The following NEBL variants were observed in gnomAD, a reference collection of about 807,000 sequenced individuals.
NEBL encodes the protein LIM and SH3 protein 2.
NEBL carries 122 observed loss-of-function variants against 140.2 expected under a neutral mutation model. The observed-to-expected ratio is 0.87, with a 90% CI of 0.75 to 1.01. The LOEUF is 1.01. Among genes scored for constraint, NEBL ranks in the 50% least tolerant of loss-of-function variants. NEBL has a pLI of 0.00. For missense variants in NEBL, 1,365 were observed against 1,231.3 expected (o/e 1.11, Z -1.62); for synonymous variants, 436 against 398.9 (o/e 1.09, Z -1.11).
At chr10:20,916,934 C>T (rs889508382) in intron 4 of NEBL, among the ~76,000 whole-genome samples, 1 of 151,856 alleles carries the variant, frequency 6.6e-6, no homozygotes, top group African/African-American at 2.4e-5. Context: ...TTAGTTCCAA[C>T]ATTCAAAAAA....
intron 4 of NEBL, among the ~76,000 whole-genome samples, chr10:20,959,561 G>T (rs1428365315): frequency 1.3e-5 from 2 of 152,092 alleles, no homozygotes; most frequent in Non-Finnish European, 2.9e-5. Flanking sequence ...AGTGAGGTAA[G>T]GGAAAAAGTT....
chr10:21,010,017 T>C (rs906363662), intron 3 of NEBL, among the ~76,000 whole-genome samples: 6 of 152,172 alleles, frequency 3.9e-5, no homozygotes, highest in Non-Finnish European at 7.3e-5. Flanking sequence ...TTTGGTTTTG[T>C]TGTTTAAGGC....
At chr10:21,088,843 C>T (rs1266181855) in intron 2 of NEBL, among the ~76,000 whole-genome samples, 4 of 152,174 alleles carry the variant, frequency 2.6e-5, no homozygotes, top group Non-Finnish European at 4.4e-5. Context: ...GTCAGAGAGT[C>T]CAAGCTTCAG....
intron 3 of NEBL, among the ~76,000 whole-genome samples, chr10:21,011,194 A>C (rs553539244): frequency 1.1e-3 from 163 of 152,366 alleles, no homozygotes; most frequent in African/African-American, 3.8e-3. Context: ...CCAAAGTCAC[A>C]CTTAGTGGCA....
At chr10:21,290,252 A>G (rs1843124282) in intron 1 of NEBL, among the ~76,000 whole-genome samples, 1 of 152,222 alleles carries the variant, frequency 6.6e-6, no homozygotes, top group Non-Finnish European at 1.5e-5. Flanking sequence ...AGTAAAGAGA[A>G]CCATCCTCCA....
At chr10:21,288,697 T>A (rs1843094023) in intron 1 of NEBL, among the ~76,000 whole-genome samples, 1 of 140,372 alleles carries the variant, frequency 7.1e-6, no homozygotes. Flanking sequence ...GAGGCAGAGG[T>A]TGCAGTGAGC....
At chr10:20,966,650 T>C (rs962381347) in intron 3 of NEBL, among the ~76,000 whole-genome samples, 3 of 152,240 alleles carry the variant, frequency 2.0e-5, no homozygotes, top group Non-Finnish European at 4.4e-5. Context: ...GGAGCAGTTC[T>C]GGACCAGCTT....
At chr10:20,797,141 G>A (rs940659728) in intron 26 of NEBL, among the ~76,000 whole-genome samples, 2 of 152,186 alleles carry the variant, frequency 1.3e-5, no homozygotes, top group Non-Finnish European at 1.5e-5. Context: ...TGAAGAGTCA[G>A]CTAACAGCAA....
At chr10:20,949,371 G>A (rs1244526459) in intron 4 of NEBL, among the ~76,000 whole-genome samples, 1 of 152,076 alleles carries the variant, frequency 6.6e-6, no homozygotes, top group Non-Finnish European at 1.5e-5. Context: ...CTAGGTGACG[G>A]ATTGATAGGT....
intron 2 of NEBL, among the ~76,000 whole-genome samples, chr10:21,079,746 G>A (rs1836282917): frequency 6.6e-6 from 1 of 152,186 alleles, no homozygotes; most frequent in African/African-American, 2.4e-5. Context: ...GATGGCCAAG[G>A]CTGTTAATTT....
At chr10:20,929,787 G>A (rs929234444) in intron 4 of NEBL, among the ~76,000 whole-genome samples, 12 of 152,110 alleles carry the variant, frequency 7.9e-5, no homozygotes, top group East Asian at 5.8e-4. Context: ...GAAAAGTTAC[G>A]AAATGAGTAC....
intron 21 of NEBL, 81 bp from the exon 22 acceptor site, chr10:20,815,798 T>A: frequency 9.7e-7 from 1 of 1,027,376 alleles, no homozygotes. Context: ...AGACAGGGTC[T>A]TGCTCTGTCA....
intron 3 of NEBL, 67 bp downstream of exon 3, chr10:20,889,778 C>G (rs933577168): frequency 1.0e-6 from 1 of 962,960 alleles, no homozygotes; most frequent in Non-Finnish European, 1.7e-6. Context: ...CTTTAATGCA[C>G]AGACTTTCAT....
chr10:21,132,142 C>A (rs1414871272), intron 2 of NEBL, among the ~76,000 whole-genome samples: 2 of 152,088 alleles, frequency 1.3e-5, no homozygotes. Flanking sequence ...TCCCCATTAT[C>A]CCTATTCTCC....
chr10:21,238,421 C>T (rs1162765846), intron 3 of NEBL, among the ~76,000 whole-genome samples: 3 of 151,970 alleles, frequency 2.0e-5, no homozygotes, highest in South Asian at 2.1e-4. Flanking sequence ...AAAGTTGGGC[C>T]GGGCCCGGTG....
At chr10:21,003,592 C>A (rs1036615444) in intron 3 of NEBL, among the ~76,000 whole-genome samples, 1 of 152,180 alleles carries the variant, frequency 6.6e-6, no homozygotes, top group African/African-American at 2.4e-5. Flanking sequence ...GAAACCAACT[C>A]TATTCAATCA....
intron 23 of NEBL, 83 bp from the exon 24 acceptor site, chr10:20,813,023 T>G: frequency 1.8e-6 from 2 of 1,122,568 alleles, no homozygotes; most frequent in Non-Finnish European, 1.3e-6. Flanking sequence ...AGGTGTACAC[T>G]GCACTGGCTG....
intron 11 of NEBL, among the ~76,000 whole-genome samples, chr10:20,846,746 C>G (rs1376536493): frequency 6.6e-6 from 1 of 151,936 alleles, no homozygotes; most frequent in Non-Finnish European, 1.5e-5. Context: ...TTTACATCAG[C>G]TAATTCACTT....
intron 3 of NEBL, among the ~76,000 whole-genome samples, chr10:21,194,777 G>A (rs1039461592): frequency 6.6e-6 from 1 of 152,084 alleles, no homozygotes; most frequent in Non-Finnish European, 1.5e-5. Flanking sequence ...TTTGGTTCAA[G>A]TTTTCAATCA....
Sources: allele counts gnomAD v4.1 joint callset (sites outside exome capture counted in the v4.1 genomes callset), GRCh38; gene constraint gnomAD v4.1.1; transcripts MANE v1.5; gene names NCBI Gene and HGNC (gene_info 2026-07-23, HGNC 2026-07-21).